The following SUGP1 variants were observed in gnomAD, a reference collection of about 807,000 sequenced individuals.
SUGP1 encodes the protein SURP and G-patch domain containing 1.
A neutral mutation model predicts 76.5 loss-of-function variants in SUGP1; 34 were observed. That is an observed-to-expected ratio of 0.44 (90% CI 0.34 to 0.59). The LOEUF (loss-of-function observed/expected upper bound fraction) is 0.59, where lower values mean the gene tolerates loss of function less well. SUGP1 is among the 20% of genes least tolerant of loss of function. The pLI is 0.01. For missense variants in SUGP1, 752 were observed against 851.7 expected (o/e 0.88, Z 1.46); for synonymous variants, 326 against 326.2 (o/e 1.00, Z 0.01).
chr19:19,311,158 C>A (rs2061350404), intron 2 of SUGP1, among the ~76,000 whole-genome samples: 1 of 151,430 alleles, frequency 6.6e-6, no homozygotes, highest in African/African-American at 2.4e-5. Context: ...TCCCAAGTCA[C>A]TAGGACTAAA....
chr19:19,319,706 C>CAAAAAAAAAAAAAA (rs570232030), intron 1 of SUGP1, among the ~76,000 whole-genome samples: 6 of 69,302 alleles, frequency 8.7e-5, no homozygotes, highest in Non-Finnish European at 1.5e-4. Context: ...GACCCTGTCT[C>CAAAAAAAAAAAAAA]AAAAAAAAAA....
intron 4 of SUGP1, chr19:19,304,048 G>A (rs766725529): frequency 6.4e-7 from 1 of 1,561,152 alleles, no homozygotes; most frequent in East Asian, 2.3e-5. Flanking sequence ...GACACACTAG[G>A]TGGGAGAGAA....
intron 2 of SUGP1, 74 bp from the exon 3 acceptor site, chr19:19,310,274 G>T: frequency 1.7e-6 from 2 of 1,161,502 alleles, no homozygotes; most frequent in South Asian, 1.2e-5. Flanking sequence ...ACGAGGATGA[G>T]GATGAGGCCA....
At position 19,297,235 on chromosome 19, in the gene SUGP1, C is replaced by T. The variant is rs147240341; in HGVS notation, c.997G>A (p.Gly333Ser). The change falls in exon 8 of 14, where the codon GGC becomes AGC. Residue 333 changes from glycine to serine, a missense_variant. Transcript: ENST00000247001. ...TCAGGAGGGGACTTGCGCTTCAGGC[C>T]GGGATCAGGTGCTGTGAAGCTGCCT... ...STGSFTAPDP[G>S]LKRKSPPEAL... The T allele has an allele frequency of 5.0e-6, 8 of 1,594,418 alleles. No individual in the cohort carries two copies. The highest frequency in any genetic ancestry group is 2.2e-5 in the East Asian group (1 of 44,482).
intron 8 of SUGP1, among the ~76,000 whole-genome samples, chr19:19,289,939 T>C (rs1453109257): frequency 2.0e-5 from 3 of 151,574 alleles, no homozygotes; most frequent in Admixed American, 1.3e-4. Context: ...AAGTCAAGAA[T>C]ACAAGGAACT....
At chr19:19,319,850 T>G (rs2061426459) in intron 1 of SUGP1, among the ~76,000 whole-genome samples, 1 of 152,090 alleles carries the variant, frequency 6.6e-6, no homozygotes, top group Non-Finnish European at 1.5e-5. Context: ...ATTAATGCAC[T>G]GACACCCCAG....
chr19:19,278,901 C>A, intron 10 of SUGP1, 105 bp from the exon 11 acceptor site: 1 of 1,247,926 alleles, frequency 8.0e-7, no homozygotes, highest in South Asian at 1.3e-5. Context: ...GAGCCTGGGG[C>A]CCCCAGGGAA....
intron 2 of SUGP1, among the ~76,000 whole-genome samples, chr19:19,311,914 G>A (rs1162283389): frequency 6.6e-6 from 1 of 151,936 alleles, no homozygotes; most frequent in Non-Finnish European, 1.5e-5. Context: ...GGAGTTTGAG[G>A]CTGCAGTGAC....
Position 19,302,312 on chromosome 19 carries a change from C to A in SUGP1, c.840G>T (p.Glu280Asp), listed in dbSNP as rs1235265799. Residue 280 changes from glutamate to aspartate, a missense_variant, in exon 7 of 14, where the codon GAG becomes GAT. By Grantham distance (45) the Glu-to-Asp change is conservative (BLOSUM62 2). This residue lies in a region of SUGP1 where 620 missense variants were observed against 617.3 expected (regional missense o/e 1.00). Coordinates refer to ENST00000247001, the MANE Select transcript of SUGP1 (RefSeq NM_172231.4). The part of the protein sequence containing the change: ...LARFIADGGP[E>D]VETIALQNNR... ...TGTTCTGGAGGGCAATGGTTTCCAC[C>A]TCGGGACCCCCGTCCGCTATGAACC... is the stretch of plus-strand genomic sequence containing the variant. The A allele has an allele frequency of 6.2e-7, 1 of 1,614,178 alleles. No individual in the cohort carries two copies. The highest frequency in any genetic ancestry group is 8.5e-7 in the Non-Finnish European group (1 of 1,180,022).
chr19:19,291,941 C>A (rs1377128961), intron 8 of SUGP1, among the ~76,000 whole-genome samples: 1 of 127,020 alleles, frequency 7.9e-6, no homozygotes, highest in African/African-American at 2.8e-5. Context: ...ACAAAAGGGC[C>A]AAGAATTAGA....
intron 2 of SUGP1, among the ~76,000 whole-genome samples, chr19:19,313,063 T>C (rs1334126294): frequency 1.3e-5 from 2 of 150,556 alleles, no homozygotes; most frequent in East Asian, 2.0e-4. Context: ...GTATCTACAG[T>C]GTGGTTCTAC....
chr19:19,279,184 AG>A, intron 10 of SUGP1, 28 bp downstream of exon 10: 1 of 1,106,840 alleles, frequency 9.0e-7, no homozygotes, highest in African/African-American at 1.5e-5. Flanking sequence ...TGCCCAGCCC[AG>A]CCCGGCCCAC....
intron 6 of SUGP1, among the ~76,000 whole-genome samples, chr19:19,302,613 G>T (rs1360958581): frequency 6.6e-6 from 1 of 152,134 alleles, no homozygotes; most frequent in Non-Finnish European, 1.5e-5. Context: ...GGTCAAGAGG[G>T]CCTGGGACAT....
In SUGP1 at chr19:19,296,985, C is replaced by A; in HGVS notation, c.1243+4G>T. On this transcript the variant is annotated splice_donor_region_variant and intron_variant, in intron 8 of 13. Transcript: ENST00000247001. ...ACACAGGGAGGGGGAGAGGGTCTGC[C>A]CACCTGACAGAGGCGAGGGAGAGGC... 6.4e-7 allele frequency: 1 copy of A among 1,566,054 alleles called. No individual in the cohort carries two copies. The highest frequency in any genetic ancestry group is 8.7e-7 in the Non-Finnish European group (1 of 1,149,606).
At chr19:19,279,178 C>A in intron 10 of SUGP1, 35 bp downstream of exon 10, 1 of 1,534,760 alleles carries the variant, frequency 6.5e-7, no homozygotes, top group Non-Finnish European at 8.8e-7. Context: ...GGGCCATGCC[C>A]AGCCCAGCCC....
At chr19:19,294,796 CAA>C (rs879918829) in intron 8 of SUGP1, among the ~76,000 whole-genome samples, 1 of 113,588 alleles carries the variant, frequency 8.8e-6, no homozygotes. Flanking sequence ...GCCTTCAGTT[CAA>C]AAAAAAAAAA....
intron 7 of SUGP1, among the ~76,000 whole-genome samples, chr19:19,301,060 T>C (rs2061267950): frequency 6.6e-6 from 1 of 152,148 alleles, no homozygotes; most frequent in Non-Finnish European, 1.5e-5. Flanking sequence ...TATATAGCCT[T>C]AATCAGGCAA....
At chr19:19,302,506 G>A in intron 6 of SUGP1, 118 bp from the exon 7 acceptor site, 2 of 1,410,930 alleles carry the variant, frequency 1.4e-6, no homozygotes, top group Non-Finnish European at 1.9e-6. Flanking sequence ...AGAGAAACAG[G>A]CAAATGGGAA....
intron 4 of SUGP1, 173 bp from the exon 5 acceptor site, chr19:19,304,020 G>T: frequency 1.3e-6 from 2 of 1,585,644 alleles, no homozygotes; most frequent in African/African-American, 1.3e-5. Flanking sequence ...GGGGGAGTCG[G>T]TCTCACTGTC....
Sources: allele counts gnomAD v4.1 joint callset (sites outside exome capture counted in the v4.1 genomes callset), GRCh38; gene constraint gnomAD v4.1.1; regional missense constraint gnomAD v4.1.1; transcripts MANE v1.5; gene names NCBI Gene and HGNC (gene_info 2026-07-23, HGNC 2026-07-21).